Variants in SLCO1A2 observed in about 807,000 individuals in gnomAD.
The protein encoded by SLCO1A2 is solute carrier organic anion transporter family member 1A2.
Under a neutral mutation model 69.0 loss-of-function variants are expected in SLCO1A2, and 67 were observed. The ratio of observed to expected loss-of-function variants is 0.97; its 90% CI spans 0.80 to 1.19. SLCO1A2 has a LOEUF of 1.19. Among genes scored for constraint, SLCO1A2 ranks in the 50% most tolerant of loss-of-function variants. SLCO1A2 has a pLI of 0.00. For missense variants in SLCO1A2, 787 were observed against 793.7 expected, an observed-to-expected ratio of 0.99 and a Z score of 0.10; for synonymous variants, 260 against 265.9, an observed-to-expected ratio of 0.98 and a Z score of 0.22.
Position 21,304,478 on chromosome 12 carries a change from T to C in SLCO1A2, c.538A>G (p.Ile180Val). ...MGETPILPLGISYIEDFAKFE... is the reference protein window; with the variant it reads ...MGETPILPLGVSYIEDFAKFE... ...TTGGCAAAATCTTCTATATAGGAAA[T>C]ACCCAAAGGCAGGATGGGAGTTTCA... is the stretch of plus-strand genomic sequence containing the variant. Residue 180 changes from isoleucine to valine, a missense_variant, in exon 6 of 15, where the codon ATT (isoleucine) becomes GTT (valine). Transcript: ENST00000683939. 1 of 1,612,818 alleles carries C rather than the reference T, an allele frequency of 6.2e-7. No homozygotes were observed. The highest frequency in any genetic ancestry group is 8.5e-7 in the Non-Finnish European group (1 of 1,178,928).
At chr12:21,296,678 T>C (rs1232522939) in intron 9 of SLCO1A2, among the ~76,000 whole-genome samples, 1 of 152,174 alleles carries the variant, frequency 6.6e-6, no homozygotes, top group African/African-American at 2.4e-5. Context: ...AAGGAGAAGA[T>C]AGCCCTAGGT....
intron 1 of SLCO1A2, among the ~76,000 whole-genome samples, chr12:21,401,636 A>G (rs7962926): frequency 5.3e-5 from 8 of 151,502 alleles, no homozygotes; most frequent in Non-Finnish European, 8.8e-5. Context: ...TAATCATTTT[A>G]TATTTTGTTT....
chr12:21,373,510 T>C (rs1028031902), intron 2 of SLCO1A2: 4 of 938,162 alleles, frequency 4.3e-6, no homozygotes, highest in Non-Finnish European at 7.0e-6. Flanking sequence ...GTCAAATAAC[T>C]ACAGCCTTAG....
upstream of SLCO1A2, among the ~76,000 whole-genome samples, chr12:21,337,489 G>C (rs1591860141): frequency 6.6e-6 from 1 of 151,902 alleles, no homozygotes; most frequent in East Asian, 1.9e-4. Context: ...AAAGCTAGTA[G>C]TACATACATG....
intron 1 of SLCO1A2, among the ~76,000 whole-genome samples, chr12:21,401,184 A>G (rs899673279): frequency 5.3e-5 from 8 of 151,942 alleles, no homozygotes; most frequent in African/African-American, 1.9e-4. Context: ...AAAACAAAAT[A>G]TATTTAATTA....
chr12:21,278,647 G>C (rs11561152), intron 12 of SLCO1A2, among the ~76,000 whole-genome samples: 6,204 of 152,210 alleles, frequency 0.041, 494 homozygotes, highest in East Asian at 0.35. Flanking sequence ...TGGTAACTCT[G>C]TGAGTCTACA....
At chr12:21,363,395 T>A (rs11502426) in intron 2 of SLCO1A2, among the ~76,000 whole-genome samples, 49,154 of 151,908 alleles carry the variant, frequency 0.32, 8,256 homozygotes, top group East Asian at 0.46. Context: ...CATTTAAAGC[T>A]GTATGTAGAG....
chr12:21,362,493 A>G (rs1165798141), intron 2 of SLCO1A2, among the ~76,000 whole-genome samples: 2 of 152,186 alleles, frequency 1.3e-5, no homozygotes, highest in Non-Finnish European at 2.9e-5. Context: ...TGCATCAACT[A>G]ATGAGCAAAA....
chr12:21,387,462 A>G (rs895802049), intron 1 of SLCO1A2, among the ~76,000 whole-genome samples: 2 of 152,160 alleles, frequency 1.3e-5, no homozygotes, highest in African/African-American at 2.4e-5. Context: ...AGGCACTCCA[A>G]TCATGGCTAA....
At chr12:21,305,373 A>G (rs1177979477) in intron 5 of SLCO1A2, among the ~76,000 whole-genome samples, 2 of 152,216 alleles carry the variant, frequency 1.3e-5, no homozygotes, top group Non-Finnish European at 2.9e-5. Flanking sequence ...CTGAAGGACA[A>G]TGCACTCTCA....
chr12:21,391,346 G>A lies in SLCO1A2; in HGVS notation c.-190+3560C>T, dbSNP rs1457076050. On this transcript the variant is annotated intron_variant, in intron 1 of 15. Transcript: ENST00000307378. ...CTCGTGGAGCTGATGACATGCCTCTGAAACAAAATCTATTGTATGATTCAT... is the reference window on the plus strand; with the variant it reads ...CTCGTGGAGCTGATGACATGCCTCTAAAACAAAATCTATTGTATGATTCAT... 7.9e-5 allele frequency among the ~76,000 whole-genome samples: 12 copies of A among 152,020 alleles called. 1 individual carries two copies. The highest frequency in any genetic ancestry group is 6.6e-4 in the Admixed American group (10 of 15,262).
chr12:21,284,420 C>T (rs140903732), intron 12 of SLCO1A2, among the ~76,000 whole-genome samples: 1 of 151,282 alleles, frequency 6.6e-6, no homozygotes, highest in African/African-American at 2.4e-5. Context: ...GACTTTAACA[C>T]CCCACTGTCA....
At chr12:21,352,395 AC>A (rs1300189167) in intron 2 of SLCO1A2, among the ~76,000 whole-genome samples, 1 of 152,220 alleles carries the variant, frequency 6.6e-6, no homozygotes, top group Admixed American at 6.5e-5. Flanking sequence ...TTTTGCAGTA[AC>A]TGGCTTATTA....
rs1179420309 is a variant in SLCO1A2 at position 21,304,543 on chromosome 12, C to CTAGTGT, written c.472_473insACACTA (p.Trp158delinsTyrThrArg). The CTAGTGT allele has an allele frequency of 6.2e-7, 1 of 1,612,274 alleles. No individual in the cohort carries two copies. Among genetic ancestry groups the CTAGTGT allele is most frequent in the South Asian group, 1.1e-5 (1 of 90,904 alleles). Reference sequence around the variant, plus strand: ...AATATTGCCTACTAGGACGTACACCCACATTAATGATTTAACTTCCTTTGT... The same window carrying CTAGTGT: ...AATATTGCCTACTAGGACGTACACCCTAGTGTACATTAATGATTTAACTTCCTTTGT... On this transcript the variant is annotated protein_altering_variant, in exon 6 of 15. Coordinates refer to ENST00000683939, the MANE Select transcript of SLCO1A2 (RefSeq NM_001386879.1).
chr12:21,387,148 A>G (rs1379974390), intron 1 of SLCO1A2, among the ~76,000 whole-genome samples: 2 of 152,210 alleles, frequency 1.3e-5, no homozygotes, highest in East Asian at 3.8e-4. Flanking sequence ...TCTAAGCAGC[A>G]AAGCATTCAA....
chr12:21,286,385 C>G (rs1447108275), intron 12 of SLCO1A2, among the ~76,000 whole-genome samples: 1 of 136,308 alleles, frequency 7.3e-6, no homozygotes, highest in Non-Finnish European at 1.6e-5. Flanking sequence ...GAAGAACATT[C>G]CATGCTCATG....
intron 2 of SLCO1A2, among the ~76,000 whole-genome samples, chr12:21,321,028 T>TG (rs770164690): frequency 3.2e-4 from 49 of 152,328 alleles, no homozygotes; most frequent in Admixed American, 1.4e-3. Flanking sequence ...TGCTACAGGC[T>TG]GGTGTTTCTT....
intron 1 of SLCO1A2, chr12:21,417,816 A>G (rs1942011685): frequency 6.6e-6 from 1 of 152,200 alleles, no homozygotes; most frequent in African/African-American, 2.4e-5. Flanking sequence ...CATTAGAAAA[A>G]TATAATGTAC....
intron 12 of SLCO1A2, among the ~76,000 whole-genome samples, chr12:21,290,650 T>G (rs1383236042): frequency 6.6e-6 from 1 of 152,034 alleles, no homozygotes; most frequent in Non-Finnish European, 1.5e-5. Context: ...CATATAAAAA[T>G]AGATTTGAGA....
Sources: allele counts gnomAD v4.1 joint callset (sites outside exome capture counted in the v4.1 genomes callset), GRCh38; gene constraint gnomAD v4.1.1; transcripts MANE v1.5; gene names NCBI Gene and HGNC (gene_info 2026-07-23, HGNC 2026-07-21).